Variants in DPP10 observed in about 807,000 individuals in gnomAD.
DPP10 encodes inactive dipeptidyl peptidase 10.
A neutral mutation model predicts 120.9 loss-of-function variants in DPP10; 33 were observed. That is an observed-to-expected ratio of 0.27 (90% CI 0.21 to 0.37). The LOEUF (loss-of-function observed/expected upper bound fraction) is 0.37. DPP10 is among the 10% of genes least tolerant of loss of function. The pLI, the probability that DPP10 is intolerant of heterozygous loss-of-function variation, is 1.00. For synonymous variants in DPP10, 337 were observed against 326.1 expected, an observed-to-expected ratio of 1.03 and a Z score of -0.36; for missense variants, 816 against 942.8, an observed-to-expected ratio of 0.87 and a Z score of 1.76.
chr2:115,055,154 T>C (rs1047308048), intron 1 of DPP10, among the ~76,000 whole-genome samples: 1 of 152,210 alleles, frequency 6.6e-6, no homozygotes, highest in Non-Finnish European at 1.5e-5. Flanking sequence ...CCAACCTGTT[T>C]TCTTTCAAAG....
chr2:115,663,787 G>A (rs1276695387), intron 5 of DPP10, among the ~76,000 whole-genome samples: 1 of 152,092 alleles, frequency 6.6e-6, no homozygotes, highest in East Asian at 1.9e-4. Context: ...ACGAGGTCGG[G>A]AGGTCCAGAG....
chr2:114,836,919 G>T (rs961733062), intron 1 of DPP10, among the ~76,000 whole-genome samples: 2 of 152,198 alleles, frequency 1.3e-5, no homozygotes, highest in Non-Finnish European at 2.9e-5. Flanking sequence ...GAGAAATATG[G>T]CTCTGTTCCA....
chr2:114,946,288 A>G (rs1697341363), intron 1 of DPP10, among the ~76,000 whole-genome samples: 1 of 152,204 alleles, frequency 6.6e-6, no homozygotes, highest in Non-Finnish European at 1.5e-5. Flanking sequence ...TGGGAATTCT[A>G]TATAGTATCT....
intron 5 of DPP10, among the ~76,000 whole-genome samples, chr2:115,537,535 A>G (rs902808302): frequency 1.4e-5 from 2 of 147,532 alleles, no homozygotes; most frequent in Admixed American, 6.8e-5. Context: ...TAGTTATTGC[A>G]CCCTGACTTT....
chr2:114,470,168 C>G (rs530201759), intron 1 of DPP10, among the ~76,000 whole-genome samples: 2 of 152,136 alleles, frequency 1.3e-5, no homozygotes, highest in Non-Finnish European at 2.9e-5. Context: ...AGCACAGAAC[C>G]GTCAAAACCA....
At chr2:114,911,577 G>A (rs1051526166) in intron 1 of DPP10, among the ~76,000 whole-genome samples, 4 of 152,132 alleles carry the variant, frequency 2.6e-5, no homozygotes, top group Non-Finnish European at 5.9e-5. Context: ...TTCAGAAGGG[G>A]GCTCTCTGGA....
intron 1 of DPP10, among the ~76,000 whole-genome samples, chr2:115,087,533 C>CTTTTTTTTTTTTTT (rs1310507943): frequency 2.4e-4 from 22 of 92,610 alleles, no homozygotes; most frequent in East Asian, 8.3e-4. Context: ...CTTTTCTTTT[C>CTTTTTTTTTTTTTT]TTTTCTTTTT....
At chr2:115,575,013 GATC>G (rs2081562970) in intron 5 of DPP10, among the ~76,000 whole-genome samples, 1 of 152,206 alleles carries the variant, frequency 6.6e-6, no homozygotes, top group Admixed American at 6.5e-5. Flanking sequence ...GTTTTGCTAA[GATC>G]ATCTTTTGCC....
chr2:115,287,934 A>T (rs528445031), intron 1 of DPP10, among the ~76,000 whole-genome samples: 3 of 151,960 alleles, frequency 2.0e-5, no homozygotes, highest in Non-Finnish European at 2.9e-5. Flanking sequence ...AGGCACTTGG[A>T]TTGGTTCTAT....
intron 1 of DPP10, among the ~76,000 whole-genome samples, chr2:115,275,330 T>A (rs2059867728): frequency 6.6e-6 from 1 of 152,200 alleles, no homozygotes; most frequent in African/African-American, 2.4e-5. Flanking sequence ...CATCTATATA[T>A]ATAACACATG....
chr2:115,620,959 C>G (rs1282637512), intron 5 of DPP10, among the ~76,000 whole-genome samples: 1 of 152,110 alleles, frequency 6.6e-6, no homozygotes, highest in African/African-American at 2.4e-5. Flanking sequence ...TAACTCAAAT[C>G]TTAAAAACCT....
At chr2:115,725,053 G>T (rs775268646) in intron 7 of DPP10, among the ~76,000 whole-genome samples, 2 of 152,170 alleles carry the variant, frequency 1.3e-5, no homozygotes, top group Non-Finnish European at 2.9e-5. Flanking sequence ...AATGAGATTT[G>T]GCAGGGACAT....
intron 1 of DPP10, among the ~76,000 whole-genome samples, chr2:115,033,297 G>A (rs751638007): frequency 2.0e-5 from 3 of 152,086 alleles, no homozygotes; most frequent in Admixed American, 6.6e-5. Flanking sequence ...TATATAAACC[G>A]AGCCTCTCAC....
chr2:114,811,844 T>C (rs1044364806), intron 1 of DPP10, among the ~76,000 whole-genome samples: 1 of 152,190 alleles, frequency 6.6e-6, no homozygotes, highest in Non-Finnish European at 1.5e-5. Context: ...ATACAATTTC[T>C]TTTTTGGACT....
At chr2:114,521,707 A>C (rs1433433884) in intron 1 of DPP10, among the ~76,000 whole-genome samples, 1 of 152,146 alleles carries the variant, frequency 6.6e-6, no homozygotes, top group African/African-American at 2.4e-5. Flanking sequence ...GTGGCCATCC[A>C]AGCAGAAAAA....
chr2:114,653,059 T>TGTGTGTG (rs34619030), intron 1 of DPP10, among the ~76,000 whole-genome samples: 4 of 151,002 alleles, frequency 2.6e-5, no homozygotes, highest in South Asian at 2.1e-4. Flanking sequence ...TGTGTGTGTG[T>TGTGTGTG]TTTACTACCT....
At chr2:115,035,859 T>A (rs929891660) in intron 1 of DPP10, among the ~76,000 whole-genome samples, 3 of 152,236 alleles carry the variant, frequency 2.0e-5, no homozygotes, top group African/African-American at 7.2e-5. Context: ...ACTCTTGTAT[T>A]CGAATGTTCC....
chr2:114,617,727 G>T (rs554454962), intron 1 of DPP10, among the ~76,000 whole-genome samples: 1 of 151,988 alleles, frequency 6.6e-6, no homozygotes, highest in Non-Finnish European at 1.5e-5. Flanking sequence ...ACACTCAGTG[G>T]GTATGCGAGT....
chr2:114,726,484 T>C (rs1279341552), intron 1 of DPP10, among the ~76,000 whole-genome samples: 1 of 152,242 alleles, frequency 6.6e-6, no homozygotes, highest in African/African-American at 2.4e-5. Flanking sequence ...AAAAAGCCAC[T>C]GACAAACATT....
Sources: gnomAD v4.1 joint callset for allele counts (sites outside exome capture counted in the v4.1 genomes callset) on GRCh38, gnomAD v4.1.1 for gene constraint, MANE v1.5 for transcripts, NCBI Gene and HGNC (gene_info 2026-07-23, HGNC 2026-07-21) for gene names.